CTSC: variants seen among roughly 807,000 people sequenced by gnomAD.
CTSC encodes dipeptidyl peptidase 1.
A neutral mutation model predicts 40.9 loss-of-function variants in CTSC; 37 were observed. The observed-to-expected ratio is 0.91, with a 90% confidence interval of 0.70 to 1.19. The LOEUF (loss-of-function observed/expected upper bound fraction) is 1.19. Among genes scored for constraint, CTSC ranks in the 50% most tolerant of loss-of-function variants. CTSC has a pLI of 0.00. For missense variants in CTSC, 594 were observed against 567.3 expected, an observed-to-expected ratio of 1.05 and a Z score of -0.48; for synonymous variants, 232 against 207.4, an observed-to-expected ratio of 1.12 and a Z score of -1.02.
chr11:88,326,998 G>A (rs1938212384), intron 2 of CTSC, among the ~76,000 whole-genome samples: 1 of 152,158 alleles, frequency 6.6e-6, no homozygotes, highest in South Asian at 2.1e-4. Context: ...ACCTATCTGG[G>A]AAAAGTTTCC....
chr11:88,303,169 C>T (rs1426664737), intron 4 of CTSC, among the ~76,000 whole-genome samples: 1 of 152,150 alleles, frequency 6.6e-6, no homozygotes, highest in Admixed American at 6.6e-5. Flanking sequence ...ACACTATCAA[C>T]TGTCAACACA....
At chr11:88,306,066 A>C (rs1937628339) in intron 4 of CTSC, among the ~76,000 whole-genome samples, 1 of 152,244 alleles carries the variant, frequency 6.6e-6, no homozygotes, top group Non-Finnish European at 1.5e-5. Context: ...AGGGGATATG[A>C]TATGCTCCGT....
At chr11:88,333,038 A>G (rs1055018715) in intron 2 of CTSC, among the ~76,000 whole-genome samples, 4 of 152,252 alleles carry the variant, frequency 2.6e-5, no homozygotes, top group African/African-American at 9.6e-5. Context: ...CGTGATTCAC[A>G]AAAAGTGATA....
At position 88,293,885 on chromosome 11, in the gene CTSC, T is replaced by C. The variant is rs1445113689; in HGVS notation, c.*121A>G. On this transcript the variant is annotated 3_prime_UTR_variant, in exon 7 of 7. Transcript: ENST00000227266. ...GGGCAGTTTTAATTCTGAAGACAAA[T>C]ATCTTCATGGAAATCTATTTGTAAG... 2 of 1,229,050 alleles carry C rather than the reference T, an allele frequency of 1.6e-6. No homozygotes were observed. Among genetic ancestry groups the C allele is most frequent in the African/African-American group, 1.5e-5 (1 of 67,696 alleles). The allele number at this position is 1,229,050 out of a possible 1,614,324, so 76.1% of individuals were successfully genotyped here. A position where few individuals can be genotyped will look rare whatever the true frequency, so the allele number is the denominator to read the frequency against.
At chr11:88,337,379 G>A in intron 1 of CTSC, 122 bp downstream of exon 1, 2 of 1,043,424 alleles carry the variant, frequency 1.9e-6, no homozygotes, top group Admixed American at 2.0e-5. Context: ...CCCGAATCCA[G>A]TCAAGATGCT....
In CTSC at chr11:88,335,053, G is replaced by C. The variant is rs1938454682; in HGVS notation, c.202C>G (p.Leu68Val). 1.2e-6 allele frequency: 2 copies of C among 1,607,420 alleles called. No homozygotes were observed. The highest frequency in any genetic ancestry group is 1.7e-5 in the Admixed American group (1 of 59,828). The change falls in exon 2 of 7, where the codon CTT becomes GTT. Residue 68 changes from leucine to valine, a missense_variant. Leu to Val is a conservative substitution (Grantham distance 32). Transcript: ENST00000227266. ...GPQEKKVVVYLQKLDTAYDDL... is the reference protein window; with the variant it reads ...GPQEKKVVVYVQKLDTAYDDL... ...TCATATGCTGTATCCAGCTTCTGAA[G>C]GTACACCACTACTTTTTTTTCTTGT...
chr11:88,327,965 G>A, intron 2 of CTSC: 1 of 687,956 alleles, frequency 1.5e-6, no homozygotes, highest in Non-Finnish European at 2.7e-6. Context: ...CAGCAGACAA[G>A]CAGGCTCAAG....
At position 88,326,194 on chromosome 11, in the gene CTSC, A is replaced by G. The variant is rs545449444; in HGVS notation, c.318+8743T>C. 2.4e-3 allele frequency: 3,248 copies of G among 1,373,884 alleles called. 15 individuals are homozygous for G. The highest frequency in any genetic ancestry group is 2.8e-3 in the Non-Finnish European group (3,012 of 1,064,078). The allele number at this position is 1,373,884 out of a possible 1,614,324, so 85.1% of individuals were successfully genotyped here. A position where few individuals can be genotyped will look rare whatever the true frequency, so the allele number is the denominator to read the frequency against. ...TCCTGTGTAGTCTCTGGTTGTTCAC[A>G]TTCCAAAATGATGTTTACTGTTTTC... On this transcript the variant is annotated intron_variant, in intron 2 of 6. Coordinates refer to ENST00000227266, the MANE Select transcript of CTSC (RefSeq NM_001814.6).
intron 5 of CTSC, chr11:88,299,683 C>T (rs144552322): frequency 6.6e-6 from 1 of 152,246 alleles, no homozygotes; most frequent in East Asian, 1.9e-4. Flanking sequence ...ATTTATAATC[C>T]TCCCAGGAGA....
chr11:88,308,072 A>G (rs1192360297), intron 4 of CTSC, among the ~76,000 whole-genome samples: 1 of 152,244 alleles, frequency 6.6e-6, no homozygotes, highest in African/African-American at 2.4e-5. Context: ...AAGAGATGGC[A>G]GGCATGAAAC....
chr11:88,310,553 G>A (rs569572045), intron 3 of CTSC, among the ~76,000 whole-genome samples: 3 of 152,276 alleles, frequency 2.0e-5, no homozygotes, highest in African/African-American at 7.2e-5. Context: ...TATAAATCAT[G>A]TGTGTAGAGA....
At chr11:88,331,134 G>T (rs560573394) in intron 2 of CTSC, among the ~76,000 whole-genome samples, 1 of 152,150 alleles carries the variant, frequency 6.6e-6, no homozygotes, top group African/African-American at 2.4e-5. Context: ...AAATATGTAG[G>T]AAGTTCTCCC....
intron 2 of CTSC, among the ~76,000 whole-genome samples, chr11:88,333,015 A>G (rs1816239499): frequency 6.6e-6 from 1 of 152,238 alleles, no homozygotes; most frequent in African/African-American, 2.4e-5. Flanking sequence ...CAAAACACCA[A>G]ATGTGCTTAC....
intron 3 of CTSC, 123 bp downstream of exon 3, chr11:88,312,265 A>T (rs1469765972): frequency 2.2e-6 from 2 of 907,474 alleles, no homozygotes; most frequent in Non-Finnish European, 3.5e-6. Flanking sequence ...TTTACATAGC[A>T]TGCCTAATAT....
chr11:88,337,232 A>C (rs1375166060), intron 1 of CTSC, among the ~76,000 whole-genome samples: 1 of 152,238 alleles, frequency 6.6e-6, no homozygotes, highest in Non-Finnish European at 1.5e-5. Context: ...AGCAAACAAA[A>C]TTAAGCGGGA....
chr11:88,294,012 T>C lies in CTSC; in HGVS notation c.1386A>G (p.Lys462=). The change falls in exon 7 of 7, where the codon AAA becomes AAG. Residue 462 remains lysine, a synonymous_variant. Transcript: ENST00000227266. ...AAATACTGGAAGGCATACCCTACAA[T>C]TTAGGAATTGGTGTGGCTGCCACTG... The part of the protein sequence containing the change: ...SIAVAATPIP[K]L 3 of 1,613,948 alleles carry C rather than the reference T, an allele frequency of 1.9e-6. No individual in the cohort carries two copies. Among genetic ancestry groups the C allele is most frequent in the Non-Finnish European group, 2.5e-6 (3 of 1,179,984 alleles).
At chr11:88,317,107 C>T (rs572240969) in intron 2 of CTSC, among the ~76,000 whole-genome samples, 65 of 152,268 alleles carry the variant, frequency 4.3e-4, no homozygotes, top group African/African-American at 1.5e-3. Flanking sequence ...GCTGGGATTA[C>T]AGGCATGCGT....
chr11:88,329,524 T>G (rs1051330115), intron 2 of CTSC, among the ~76,000 whole-genome samples: 4 of 150,374 alleles, frequency 2.7e-5, no homozygotes, highest in Non-Finnish European at 5.9e-5. Context: ...CTTAGTTTGT[T>G]TTACAGGACT....
chr11:88,312,489 AT>A lies in CTSC; in HGVS notation c.383del (p.Asp128ValfsTer26). The A allele has an allele frequency of 6.2e-7, 1 of 1,614,162 alleles. No homozygotes were observed. The highest frequency in any genetic ancestry group is 8.5e-7 in the Non-Finnish European group (1 of 1,180,016). On this transcript the variant is annotated frameshift_variant, in exon 3 of 7. Transcript: ENST00000227266. LOFTEE classifies it high-confidence loss of function. ...AACAAGCCCAGTTCCGGCCCAACAC[AT>A]CATGCACCCACCCAGTCATTGTCTC... The part of the protein sequence containing the change: ...CNETMTGWVH[D>X]VLGRNWACFT...
Sources: gnomAD v4.1 joint callset for allele counts (sites outside exome capture counted in the v4.1 genomes callset) on GRCh38, gnomAD v4.1.1 for gene constraint, MANE v1.5 for transcripts, NCBI Gene and HGNC (gene_info 2026-07-23, HGNC 2026-07-21) for gene names.